The following IL1RAPL2 variants were observed in gnomAD, a reference collection of about 807,000 sequenced individuals.
The protein encoded by IL1RAPL2 is X-linked interleukin-1 receptor accessory protein-like 2.
In IL1RAPL2, 3 loss-of-function variants were observed where a neutral mutation model predicts 44.1. That is an observed-to-expected ratio of 0.07 (90% CI 0.03 to 0.18). The LOEUF is 0.18. IL1RAPL2 is among the 10% of genes least tolerant of loss of function. IL1RAPL2 has a pLI of 1.00. For synonymous variants in IL1RAPL2, 181 were observed against 178.8 expected (o/e 1.01, Z -0.10); for missense variants, 391 against 496.4 (o/e 0.79, Z 2.02).
chrX:104,643,743 T>C (rs745799659), intron 1 of IL1RAPL2, among the ~76,000 whole-genome samples: 1 of 111,119 alleles, frequency 9.0e-6, no homozygotes, highest in Admixed American at 9.6e-5. Flanking sequence ...AACTTCAGAG[T>C]ATTATGGTTA....
chrX:105,651,003 T>C (rs191813201), intron 6 of IL1RAPL2, among the ~76,000 whole-genome samples: 1 of 112,336 alleles, frequency 8.9e-6, no homozygotes. Flanking sequence ...AGAAGCTAGT[T>C]TTTAAAATAT....
chrX:104,639,071 T>A (rs1929882754), intron 1 of IL1RAPL2, among the ~76,000 whole-genome samples: 1 of 112,205 alleles, frequency 8.9e-6, no homozygotes. Context: ...ATAGTTATAT[T>A]TTCTTGCTAG....
At chrX:105,104,065 T>A (rs1021858924) in intron 2 of IL1RAPL2, among the ~76,000 whole-genome samples, 1 of 111,615 alleles carries the variant, frequency 9.0e-6, no homozygotes, top group Non-Finnish European at 1.9e-5. Context: ...AGTATTTTGT[T>A]CAGAGGAGTC....
intron 2 of IL1RAPL2, among the ~76,000 whole-genome samples, chrX:104,789,889 G>C (rs1465380438): frequency 8.9e-6 from 1 of 112,222 alleles, no homozygotes. Context: ...CAAGTGAGTG[G>C]CATGGGCTAT....
At chrX:105,234,076 T>A in intron 4 of IL1RAPL2, 72 bp downstream of exon 4, 1 of 840,862 alleles carries the variant, frequency 1.2e-6, no homozygotes, top group Non-Finnish European at 1.6e-6. Context: ...GAAAGGGAGA[T>A]TTTTTTACTA....
At chrX:105,516,580 C>A (rs2036516005) in intron 6 of IL1RAPL2, among the ~76,000 whole-genome samples, 1 of 111,863 alleles carries the variant, frequency 8.9e-6, no homozygotes, top group Admixed American at 9.5e-5. Context: ...CAGGTCACAT[C>A]CCTAATAAAT....
chrX:105,754,736 C>T (rs760315363), intron 9 of IL1RAPL2, among the ~76,000 whole-genome samples: 3 of 112,359 alleles, frequency 2.7e-5, no homozygotes, highest in African/African-American at 3.2e-5. Flanking sequence ...ATCTTCCACA[C>T]TCTAGGGCCC....
At chrX:105,735,362 GT>G (rs201198991) in intron 7 of IL1RAPL2, among the ~76,000 whole-genome samples, 5,053 of 110,544 alleles carry the variant, frequency 0.046, 302 homozygotes, top group African/African-American at 0.16. Context: ...AAATAAGTGA[GT>G]TTTTTTGTAT....
At chrX:105,213,834 G>T (rs1556161322) in intron 3 of IL1RAPL2, among the ~76,000 whole-genome samples, 6 of 110,542 alleles carry the variant, frequency 5.4e-5, no homozygotes, top group Non-Finnish European at 1.1e-4. Context: ...CATTCTTAAA[G>T]AAAAGAATTT....
At chrX:104,731,160 T>C (rs756063979) in intron 2 of IL1RAPL2, among the ~76,000 whole-genome samples, 10 of 110,219 alleles carry the variant, frequency 9.1e-5, no homozygotes, top group Non-Finnish European at 1.7e-4. Context: ...TTCTCCCATT[T>C]TGTAGGTTGT....
Position 105,638,504 on chromosome X carries a change from C to A in IL1RAPL2, c.773-78863C>A, listed in dbSNP as rs749564308. Among the ~76,000 whole-genome samples the A allele has an allele frequency of 3.6e-5, 4 of 111,126 alleles. No homozygotes were observed. The East Asian group carries it at 1.1e-3, about 31-fold the overall frequency. ...TCAGGTCCACATTAGCCCTGCAATG[C>A]GGAAAGTTTTTTCTTGTACCAGGGA... On this transcript the variant is annotated intron_variant, in intron 6 of 10. Coordinates refer to ENST00000372582, the MANE Select transcript of IL1RAPL2 (RefSeq NM_017416.2).
intron 2 of IL1RAPL2, among the ~76,000 whole-genome samples, chrX:104,776,418 A>G (rs1438605857): frequency 8.9e-6 from 1 of 112,054 alleles, no homozygotes; most frequent in East Asian, 2.8e-4. Context: ...TGGCTTTGAC[A>G]CTAAGTTAGA....
intron 2 of IL1RAPL2, among the ~76,000 whole-genome samples, chrX:104,680,558 C>T (rs931758303): frequency 1.1e-4 from 12 of 110,739 alleles, no homozygotes; most frequent in Non-Finnish European, 2.1e-4. Flanking sequence ...ACATAGAGCC[C>T]GAATTTTCAT....
At chrX:105,661,711 C>T (rs374311491) in intron 6 of IL1RAPL2, among the ~76,000 whole-genome samples, 61 of 111,846 alleles carry the variant, frequency 5.5e-4, no homozygotes, top group African/African-American at 1.4e-3. Context: ...AATTTCTGTC[C>T]GCTGATTCAC....
intron 5 of IL1RAPL2, among the ~76,000 whole-genome samples, chrX:105,481,757 T>A (rs1239551756): frequency 1.8e-5 from 2 of 112,718 alleles, no homozygotes; most frequent in African/African-American, 3.2e-5. Flanking sequence ...ATGGGTTTTT[T>A]ATTAATAAAA....
intron 6 of IL1RAPL2, among the ~76,000 whole-genome samples, chrX:105,676,672 T>C (rs895923186): frequency 1.8e-5 from 2 of 112,151 alleles, no homozygotes; most frequent in African/African-American, 6.5e-5. Flanking sequence ...ATTGGGAAAT[T>C]GGTTTTACCA....
intron 2 of IL1RAPL2, among the ~76,000 whole-genome samples, chrX:105,139,836 C>G (rs771871291): frequency 3.7e-4 from 41 of 112,209 alleles, no homozygotes; most frequent in Non-Finnish European, 6.6e-4. Context: ...CCATAGAAAA[C>G]AAGTAGCCAA....
chrX:105,073,213 G>T, intron 2 of IL1RAPL2, among the ~76,000 whole-genome samples: 1 of 60,958 alleles, frequency 1.6e-5, no homozygotes, highest in Non-Finnish European at 2.8e-5. Context: ...CCCCACAACA[G>T]GCCCCAGTGT....
At chrX:105,428,108 C>G (rs1321602422) in intron 5 of IL1RAPL2, among the ~76,000 whole-genome samples, 1 of 110,765 alleles carries the variant, frequency 9.0e-6, no homozygotes. Flanking sequence ...AAAGTATTAT[C>G]AAATGAAGAA....
Sources: gnomAD v4.1 joint callset for allele counts (sites outside exome capture counted in the v4.1 genomes callset) on GRCh38, gnomAD v4.1.1 for gene constraint, MANE v1.5 for transcripts, NCBI Gene and HGNC (gene_info 2026-07-23, HGNC 2026-07-21) for gene names.